LRP1B: variants seen among roughly 807,000 people sequenced by gnomAD.
LRP1B encodes the protein LDL receptor related protein 1B.
Under a neutral mutation model 556.6 loss-of-function variants are expected in LRP1B, and 217 were observed. The ratio of observed to expected loss-of-function variants is 0.39; its 90% CI spans 0.35 to 0.44. The LOEUF (loss-of-function observed/expected upper bound fraction) is 0.44. LRP1B is among the 20% of genes least tolerant of loss of function. The probability of loss-of-function intolerance (pLI) is 1.00; values close to 1 mark genes in which losing one functional copy is unlikely to be tolerated. For synonymous variants in LRP1B, 2,047 were observed against 1,865.8 expected, an observed-to-expected ratio of 1.10 and a Z score of -2.50; for missense variants, 5,053 against 5,620.8, an observed-to-expected ratio of 0.90 and a Z score of 3.23.
At chr2:140,958,996 G>A (rs1399805232) in intron 18 of LRP1B, among the ~76,000 whole-genome samples, 2 of 149,884 alleles carry the variant, frequency 1.3e-5, no homozygotes, top group Non-Finnish European at 3.0e-5. Context: ...TGAAGGAGAA[G>A]GACAGCAGTG....
In LRP1B at chr2:140,866,545, T is replaced by G. The variant is rs141064168; in HGVS notation, c.4579+1045A>C. The stretch of plus-strand genomic sequence containing the variant: ...ATATAGAAACCATATGTATAGAAAC[T>G]CCCATGTAGCAAAGAAGGATCAATT... On this transcript the variant is annotated intron_variant, in intron 27 of 90. Transcript: ENST00000389484. 5.8e-3 allele frequency among the ~76,000 whole-genome samples: 886 copies of G among 152,016 alleles called. 10 individuals are homozygous for G. Among genetic ancestry groups the G allele is most frequent in the African/African-American group, 0.02 (834 of 41,506 alleles).
chr2:140,494,606 C>CAA (rs77006034), intron 56 of LRP1B, among the ~76,000 whole-genome samples: 3,110 of 62,458 alleles, frequency 0.05, 75 homozygotes, highest in Non-Finnish European at 0.068. Flanking sequence ...GACTCCGTCT[C>CAA]AAAAAAAAAA....
At chr2:140,479,550 T>G (rs892656614) in intron 59 of LRP1B, among the ~76,000 whole-genome samples, 1 of 152,174 alleles carries the variant, frequency 6.6e-6, no homozygotes, top group Non-Finnish European at 1.5e-5. Context: ...TAGTTGAATA[T>G]TATACATTGT....
chr2:140,501,578 T>C, intron 55 of LRP1B, 109 bp downstream of exon 55: 1 of 704,744 alleles, frequency 1.4e-6, no homozygotes, highest in Non-Finnish European at 2.1e-6. Context: ...TTCAATTCGT[T>C]TTAATATTAT....
At chr2:140,404,322 C>T (rs1684640061) in intron 66 of LRP1B, among the ~76,000 whole-genome samples, 1 of 151,598 alleles carries the variant, frequency 6.6e-6, no homozygotes, top group Admixed American at 6.6e-5. Context: ...CTTCAGGTGC[C>T]CGCCACCACG....
intron 2 of LRP1B, among the ~76,000 whole-genome samples, chr2:141,485,644 T>C (rs532166720): frequency 5.9e-5 from 9 of 152,234 alleles, no homozygotes; most frequent in Non-Finnish European, 1.2e-4. Context: ...CAATGATCAT[T>C]TGTGCAGTGA....
chr2:141,456,632 A>T (rs550062328), intron 3 of LRP1B, among the ~76,000 whole-genome samples: 1 of 152,358 alleles, frequency 6.6e-6, no homozygotes, highest in Admixed American at 6.5e-5. Flanking sequence ...TGCTGCAATA[A>T]GATATGAAAT....
intron 2 of LRP1B, among the ~76,000 whole-genome samples, chr2:141,650,460 A>G (rs1399453781): frequency 1.3e-5 from 2 of 152,140 alleles, no homozygotes; most frequent in African/African-American, 4.8e-5. Context: ...CCTAAGAACA[A>G]AGGAAAGCTT....
intron 89 of LRP1B, among the ~76,000 whole-genome samples, chr2:140,235,952 A>G (rs1680680023): frequency 6.6e-6 from 1 of 151,030 alleles, no homozygotes; most frequent in African/African-American, 2.4e-5. Context: ...CATAGATATA[A>G]TAGATTATCA....
intron 18 of LRP1B, among the ~76,000 whole-genome samples, chr2:140,979,719 G>A (rs186924520): frequency 6.6e-6 from 1 of 152,204 alleles, no homozygotes; most frequent in East Asian, 1.9e-4. Context: ...AAGTATAATG[G>A]CATTATCTGC....
intron 7 of LRP1B, among the ~76,000 whole-genome samples, chr2:141,163,153 G>A (rs1209654076): frequency 6.6e-6 from 1 of 151,924 alleles, no homozygotes; most frequent in East Asian, 1.9e-4. Context: ...CCTCATTCCT[G>A]CTTTCTGGTA....
intron 1 of LRP1B, among the ~76,000 whole-genome samples, chr2:142,049,492 A>G (rs1425888897): frequency 1.3e-5 from 2 of 152,150 alleles, no homozygotes; most frequent in Non-Finnish European, 2.9e-5. Context: ...TATGAACTAT[A>G]TGGTATCAGA....
chr2:141,857,998 C>T (rs1209560528), intron 1 of LRP1B, among the ~76,000 whole-genome samples: 1 of 152,034 alleles, frequency 6.6e-6, no homozygotes, highest in African/African-American at 2.4e-5. Context: ...ACTAAAGATG[C>T]TAGAATAGAA....
chr2:140,457,677 T>C (rs1558895827), intron 60 of LRP1B, 26 bp from the exon 61 acceptor site: 3 of 1,578,832 alleles, frequency 1.9e-6, no homozygotes, highest in Non-Finnish European at 2.6e-6. Context: ...GTAAGATTAA[T>C]GTTCAGTCTT....
intron 2 of LRP1B, among the ~76,000 whole-genome samples, chr2:141,519,388 T>TATATATAC (rs1684450471): frequency 3.4e-5 from 1 of 29,780 alleles, no homozygotes; most frequent in African/African-American, 1.4e-4. Context: ...TATATATATA[T>TATATATAC]ATATATATAT....
chr2:140,563,178 A>C (rs1680996189), intron 43 of LRP1B, among the ~76,000 whole-genome samples: 1 of 152,000 alleles, frequency 6.6e-6, no homozygotes, highest in Admixed American at 6.6e-5. Flanking sequence ...TATTTCACAC[A>C]CACACACACA....
intron 1 of LRP1B, among the ~76,000 whole-genome samples, chr2:142,119,987 G>T (rs1231542656): frequency 6.6e-6 from 1 of 152,192 alleles, no homozygotes; most frequent in Non-Finnish European, 1.5e-5. Context: ...CAATGAATGT[G>T]TAGATACATA....
At chr2:141,972,846 A>C (rs558414434) in intron 1 of LRP1B, among the ~76,000 whole-genome samples, 1 of 151,878 alleles carries the variant, frequency 6.6e-6, no homozygotes, top group Non-Finnish European at 1.5e-5. Context: ...ATCTGATAGA[A>C]ATAATGCTTT....
intron 7 of LRP1B, among the ~76,000 whole-genome samples, chr2:141,127,845 C>G (rs1383355557): frequency 1.3e-5 from 2 of 152,160 alleles, no homozygotes; most frequent in Non-Finnish European, 2.9e-5. Flanking sequence ...CAATTACACT[C>G]TATTTTCCTG....
Sources: gnomAD v4.1 joint callset for allele counts (sites outside exome capture counted in the v4.1 genomes callset) on GRCh38, gnomAD v4.1.1 for gene constraint, MANE v1.5 for transcripts, NCBI Gene and HGNC (gene_info 2026-07-23, HGNC 2026-07-21) for gene names.